Variants in DNAH10 observed in about 807,000 individuals in gnomAD.
The protein encoded by DNAH10 is dynein axonemal heavy chain 10.
DNAH10 carries 348 observed loss-of-function variants against 506.6 expected under a neutral mutation model. The ratio of observed to expected loss-of-function variants is 0.69; its 90% CI spans 0.63 to 0.75. The LOEUF (loss-of-function observed/expected upper bound fraction) is 0.75. DNAH10 is among the 30% of genes least tolerant of loss of function. DNAH10 has a pLI of 0.00. For synonymous variants in DNAH10, 2,059 were observed against 2,198.6 expected (o/e 0.94, Z 1.78); for missense variants, 5,179 against 5,787.1 (o/e 0.89, Z 3.41).
At chr12:123,883,373 A>G (rs974499818) in intron 51 of DNAH10, among the ~76,000 whole-genome samples, 1 of 152,208 alleles carries the variant, frequency 6.6e-6, no homozygotes, top group Admixed American at 6.5e-5. Flanking sequence ...TCATACAGGT[A>G]CCTCCTGCAG....
In DNAH10 at chr12:123,916,526, C is replaced by G. The variant is rs201359595; in HGVS notation, c.10792C>G (p.Leu3598Val). The G allele has an allele frequency of 1.9e-6, 3 of 1,613,908 alleles. No individual in the cohort carries two copies. The highest frequency in any genetic ancestry group is 2.5e-6 in the Non-Finnish European group (3 of 1,179,882). The change falls in exon 63 of 79, where the codon CTG becomes GTG. Residue 3598 changes from leucine to valine, a missense_variant. Coordinates refer to ENST00000673944, the MANE Select transcript of DNAH10 (RefSeq NM_001372106.1). This position sits in a 1 kb window ranked among gnomAD's most constrained non-coding sequence, Gnocchi z 4.6. ...EMSIKYGTPF[L>V]FRDVDEYIDP... ...GTCCATAAAGTACGGGACCCCTTTCCTGTTCCGCGATGTTGATGAATACAT... is the reference window on the plus strand; with the variant it reads ...GTCCATAAAGTACGGGACCCCTTTCGTGTTCCGCGATGTTGATGAATACAT...
At chr12:123,867,664 G>A (rs1271404848) in intron 42 of DNAH10, 63 bp downstream of exon 42, 1 of 1,596,482 alleles carries the variant, frequency 6.3e-7, no homozygotes, top group Admixed American at 1.7e-5. Context: ...CTCACGGTAG[G>A]GTTTTAAAGG....
At position 123,787,069 on chromosome 12, in the gene DNAH10, G is replaced by A. The variant is rs970519192; in HGVS notation, c.1422-735G>A. ...CAGGAGAATCGCTTGAACCCAGGAAGTGGAGGTTGCAGTGAGCCGAGATTG... is the reference window on the plus strand; with the variant it reads ...CAGGAGAATCGCTTGAACCCAGGAAATGGAGGTTGCAGTGAGCCGAGATTG... On this transcript the variant is annotated intron_variant, in intron 9 of 78. Transcript: ENST00000673944. The surrounding 1 kb of genome is among the most constrained non-coding windows in gnomAD (Gnocchi z 4.6). 2.6e-5 allele frequency among the ~76,000 whole-genome samples: 4 copies of A among 152,294 alleles called. No individual in the cohort carries two copies. The highest frequency in any genetic ancestry group is 7.2e-5 in the African/African-American group (3 of 41,562).
rs145259713 is a variant in DNAH10 at position 123,934,501 on chromosome 12, A to G, written c.13478-120A>G. 985 of 1,241,818 alleles carry G rather than the reference A, an allele frequency of 7.9e-4. 2 individuals carry two copies. The highest frequency in any genetic ancestry group is 7.6e-3 in the Middle Eastern group (41 of 5,362). The allele number at this position is 1,241,818 out of a possible 1,614,324, so 76.9% of individuals were successfully genotyped here. A position where few individuals can be genotyped will look rare whatever the true frequency, so the allele number is the denominator to read the frequency against. On this transcript the variant is annotated intron_variant, in intron 77 of 78. Coordinates refer to ENST00000673944, the MANE Select transcript of DNAH10 (RefSeq NM_001372106.1). ...TGGAGAAGGGCCTGGGCTGTCCCCA[A>G]TGCGCTGGGGAGGAGGCCAGCCAGT... is the stretch of plus-strand genomic sequence containing the variant.
chr12:123,870,832 C>T (rs183199296), intron 44 of DNAH10, among the ~76,000 whole-genome samples: 2 of 152,270 alleles, frequency 1.3e-5, no homozygotes, highest in South Asian at 2.1e-4. Context: ...TAGACGGCAA[C>T]GAACGAGGCA....
intron 54 of DNAH10, among the ~76,000 whole-genome samples, chr12:123,895,913 G>C (rs1425551649): frequency 6.6e-6 from 1 of 152,016 alleles, no homozygotes; most frequent in Non-Finnish European, 1.5e-5. Context: ...AGGAGTTCGA[G>C]ACCAGCCTGG....
In DNAH10 at chr12:123,914,982, G is replaced by A; in HGVS notation, c.10705G>A (p.Glu3569Lys). 6.2e-7 allele frequency: 1 copy of A among 1,609,656 alleles called. No homozygotes were observed. Among genetic ancestry groups the A allele is most frequent in the Non-Finnish European group, 8.5e-7 (1 of 1,178,010 alleles). The part of the protein sequence containing the change: ...QALNWIKRKE[E>K]KNNLRVASFN... ...CCTCAACTGGATCAAGAGAAAAGAG[G>A]AGAAGAACAATCTGCGGGTATGGTG... Residue 3569 changes from glutamate to lysine, a missense_variant, in exon 62 of 79, where the codon GAG (glutamate) becomes AAG (lysine). Around this residue, in one of 3 missense-constraint regions of DNAH10, gnomAD observed 4,844 missense variants for 5,430.5 expected, o/e 0.89. Transcript: ENST00000673944.
Position 123,929,743 on chromosome 12 carries a change from A to C in DNAH10, c.12596A>C (p.Lys4199Thr), listed in dbSNP as rs1400377112. 3 of 1,612,704 alleles carry C rather than the reference A, an allele frequency of 1.9e-6. No individual in the cohort carries two copies. The highest frequency in any genetic ancestry group is 2.5e-6 in the Non-Finnish European group (3 of 1,179,460). Residue 4199 changes from lysine to threonine, a missense_variant, in exon 72 of 79, where the codon AAG becomes ACG. Transcript: ENST00000673944. ...RDPRIPWGSL[K>T]YLIGEVMYGG... is the part of the protein sequence containing the mutation. Reference sequence around the variant, plus strand: ...CCAAGGATCCCGTGGGGCAGCCTCAAGTACCTAATTGGAGAGGTAGGGGTG... The same window carrying C: ...CCAAGGATCCCGTGGGGCAGCCTCACGTACCTAATTGGAGAGGTAGGGGTG...
chr12:123,909,182 G>C lies in DNAH10; in HGVS notation c.9816-79G>C. On this transcript the variant is annotated intron_variant, in intron 57 of 78. Coordinates refer to ENST00000673944, the MANE Select transcript of DNAH10 (RefSeq NM_001372106.1). The surrounding 1 kb of genome is among the most constrained non-coding windows in gnomAD (Gnocchi z 5.4). ...CAGGGACTGTCTTTTGGTTGAGCTC[G>C]TTTTTCTGGAGCTCTCTTTCAGGCC... 2.6e-6 allele frequency: 4 copies of C among 1,545,114 alleles called. No individual in the cohort carries two copies. Among genetic ancestry groups the C allele is most frequent in the Non-Finnish European group, 3.5e-6 (4 of 1,141,520 alleles).
chr12:123,787,520 G>A lies in DNAH10; in HGVS notation c.1422-284G>A, dbSNP rs1957901822. 6.6e-6 allele frequency among the ~76,000 whole-genome samples: 1 copy of A among 152,264 alleles called. No individual in the cohort carries two copies. The highest frequency in any genetic ancestry group is 1.5e-5 in the Non-Finnish European group (1 of 68,042). ...TGCCGCTGTTGACCTCTGGCCTGGG[G>A]CCAAGGCCACCTGCCCCTTCTGGTG... On this transcript the variant is annotated intron_variant, in intron 9 of 78. Coordinates refer to ENST00000673944, the MANE Select transcript of DNAH10 (RefSeq NM_001372106.1). This position sits in a 1 kb window ranked among gnomAD's most constrained non-coding sequence, Gnocchi z 4.6.
At chr12:123,834,042 C>T (rs1434673424) in intron 27 of DNAH10, among the ~76,000 whole-genome samples, 1 of 152,122 alleles carries the variant, frequency 6.6e-6, no homozygotes. Context: ...ACAATCCAAG[C>T]CTTGGGTGGG....
chr12:123,808,655 A>G (rs936045466), intron 18 of DNAH10, 142 bp from the exon 19 acceptor site: 3 of 782,006 alleles, frequency 3.8e-6, no homozygotes. Context: ...AGTAAGACTC[A>G]CCCCAGCCTG....
At chr12:123,880,045 C>T (rs1174955769) in intron 50 of DNAH10, among the ~76,000 whole-genome samples, 1 of 152,196 alleles carries the variant, frequency 6.6e-6, no homozygotes, top group Admixed American at 6.5e-5. Flanking sequence ...TGGAGGGTCC[C>T]CAGATTCTGG....
chr12:123,813,753 G>A lies in DNAH10; in HGVS notation c.3622-1G>A. 6.2e-7 allele frequency: 1 copy of A among 1,613,250 alleles called. No homozygotes were observed. Among genetic ancestry groups the A allele is most frequent in the South Asian group, 1.1e-5 (1 of 90,830 alleles). ...AGTGTTCTTTGTACTTTCTGTTATA[G>A]CACCTGGCCAAAAACCTTAGGAAGA... On this transcript the variant is annotated splice_acceptor_variant, in intron 20 of 78. Coordinates refer to ENST00000673944, the MANE Select transcript of DNAH10 (RefSeq NM_001372106.1). LOFTEE classifies it high-confidence loss of function.
chr12:123,802,646 A>C (rs1193166175), intron 16 of DNAH10, among the ~76,000 whole-genome samples: 1 of 151,330 alleles, frequency 6.6e-6, no homozygotes, highest in East Asian at 1.9e-4. Flanking sequence ...ATGCTGTCTT[A>C]CAGGGCGGCT....
rs116982630 is a variant in DNAH10 at position 123,907,676 on chromosome 12, G to C, written c.9816-1585G>C. 2.0e-5 allele frequency among the ~76,000 whole-genome samples: 3 copies of C among 152,176 alleles called. No homozygotes were observed. Among genetic ancestry groups the C allele is most frequent in the Non-Finnish European group, 2.9e-5 (2 of 68,026 alleles). On this transcript the variant is annotated intron_variant, in intron 57 of 78. Transcript: ENST00000673944. The surrounding 1 kb of genome is among the most constrained non-coding windows in gnomAD (Gnocchi z 4.4). The stretch of plus-strand genomic sequence containing the variant: ...AACTTGCCCAAGGGCTCAGGACCCC[G>C]CCGCAGGCCTGGGCTCCTTCTGTCT...
intron 18 of DNAH10, among the ~76,000 whole-genome samples, chr12:123,807,221 A>G (rs1958715004): frequency 6.6e-6 from 1 of 151,704 alleles, no homozygotes; most frequent in Admixed American, 6.6e-5. Context: ...CCATCCATCC[A>G]TCCATCCATC....
At chr12:123,911,207 G>T (rs1316711201) in intron 59 of DNAH10, among the ~76,000 whole-genome samples, 1 of 129,970 alleles carries the variant, frequency 7.7e-6, no homozygotes, top group Non-Finnish European at 1.6e-5. Context: ...GTTTAAAGTT[G>T]TTTCTCTAGG....
At chr12:123,763,150 G>A (rs1487989164) in intron 1 of DNAH10, among the ~76,000 whole-genome samples, 1 of 152,338 alleles carries the variant, frequency 6.6e-6, no homozygotes, top group Middle Eastern at 3.4e-3. Flanking sequence ...GACTTTAAAT[G>A]TTTATGTTGA....
Sources: allele counts gnomAD v4.1 joint callset (sites outside exome capture counted in the v4.1 genomes callset), GRCh38; gene constraint gnomAD v4.1.1; regional missense constraint gnomAD v4.1.1; non-coding constraint Gnocchi (gnomAD v3.1); transcripts MANE v1.5; gene names NCBI Gene and HGNC (gene_info 2026-07-23, HGNC 2026-07-21).